The following OLFM3 variants were observed in gnomAD, a reference collection of about 807,000 sequenced individuals.
The protein encoded by OLFM3 is noelin-3.
In OLFM3, 20 loss-of-function variants were observed where a neutral mutation model predicts 48.6. The observed-to-expected ratio is 0.41, with a 90% CI of 0.29 to 0.60. OLFM3 has a LOEUF of 0.60. OLFM3 is among the 20% of genes least tolerant of loss of function. OLFM3 has a pLI of 0.28. For missense variants in OLFM3, 437 were observed against 544.3 expected, an observed-to-expected ratio of 0.80 and a Z score of 1.96; for synonymous variants, 222 against 198.1, an observed-to-expected ratio of 1.12 and a Z score of -1.01.
intron 4 of OLFM3, among the ~76,000 whole-genome samples, chr1:101,811,461 G>C (rs1282423153): frequency 6.6e-6 from 1 of 152,018 alleles, no homozygotes; most frequent in African/African-American, 2.4e-5. Flanking sequence ...CTAATATCCA[G>C]AGCCTAAAGG....
Position 101,867,439 on chromosome 1 carries a change from T to G in OLFM3, c.70-30414A>C, listed in dbSNP as rs80268128. Among the ~76,000 whole-genome samples the G allele has an allele frequency of 5.3e-5, 8 of 152,330 alleles. No individual in the cohort carries two copies. In the East Asian group the frequency reaches 1.5e-3, roughly 29 times the overall value. ...ACTCCTGAAGGATTGTTACCTTCCTTGTCAGCCACACAATGTTTATAAAGT... is the reference window on the plus strand; with the variant it reads ...ACTCCTGAAGGATTGTTACCTTCCTGGTCAGCCACACAATGTTTATAAAGT... On this transcript the variant is annotated intron_variant, in intron 1 of 5. Transcript: ENST00000370103.
chr1:101,858,449 G>A (rs903671553), intron 1 of OLFM3, among the ~76,000 whole-genome samples: 2 of 151,988 alleles, frequency 1.3e-5, no homozygotes, highest in African/African-American at 4.8e-5. Flanking sequence ...GAACAAGAAA[G>A]AAATATAGCT....
intron 1 of OLFM3, among the ~76,000 whole-genome samples, chr1:101,921,023 TA>T (rs530714758): frequency 3.9e-4 from 59 of 152,304 alleles, no homozygotes; most frequent in African/African-American, 1.4e-3. Flanking sequence ...ACCTTCTCCA[TA>T]AGCCCAAATA....
chr1:101,944,992 A>C (rs147195454), intron 1 of OLFM3, among the ~76,000 whole-genome samples: 1 of 152,238 alleles, frequency 6.6e-6, no homozygotes, highest in Non-Finnish European at 1.5e-5. Context: ...CTACAATGAT[A>C]TACCACTACA....
intron 1 of OLFM3, among the ~76,000 whole-genome samples, chr1:101,896,453 G>A (rs1386045348): frequency 6.6e-6 from 1 of 150,442 alleles, no homozygotes; most frequent in African/African-American, 2.4e-5. Context: ...AGTTGTGCAG[G>A]ACGTTTTTAT....
At chr1:101,941,562 T>C (rs560176684) in intron 1 of OLFM3, among the ~76,000 whole-genome samples, 48 of 152,246 alleles carry the variant, frequency 3.2e-4, no homozygotes, top group African/African-American at 1.1e-3. Flanking sequence ...GTTACCCTAC[T>C]TAGTTATGAT....
chr1:101,849,480 A>C (rs888436543), intron 1 of OLFM3, among the ~76,000 whole-genome samples: 7 of 152,186 alleles, frequency 4.6e-5, no homozygotes, highest in Non-Finnish European at 1.0e-4. Context: ...GGTCACCCAA[A>C]AGTGTTTGGA....
At chr1:101,978,167 A>G (rs1488454692) in intron 1 of OLFM3, among the ~76,000 whole-genome samples, 1 of 152,116 alleles carries the variant, frequency 6.6e-6, no homozygotes, top group East Asian at 1.9e-4. Flanking sequence ...GGGAGGTATT[A>G]TTTTCCCAAT....
chr1:101,846,803 C>T (rs1656014879), intron 1 of OLFM3: 1 of 1,453,168 alleles, frequency 6.9e-7, no homozygotes, highest in South Asian at 1.2e-5. Context: ...CCACTAAATG[C>T]ACTTACTTCT....
chr1:101,853,614 T>C (rs571664504), intron 1 of OLFM3, among the ~76,000 whole-genome samples: 19 of 152,206 alleles, frequency 1.2e-4, no homozygotes, highest in Non-Finnish European at 2.1e-4. Flanking sequence ...TAAATATTTA[T>C]GAGATAAATG....
chr1:101,968,248 G>A (rs957516843), intron 1 of OLFM3, among the ~76,000 whole-genome samples: 1 of 152,286 alleles, frequency 6.6e-6, no homozygotes, highest in East Asian at 1.9e-4. Context: ...TTTGGCACTA[G>A]TTTGAATGGT....
intron 1 of OLFM3, chr1:101,846,939 A>C: frequency 6.2e-7 from 1 of 1,612,656 alleles, no homozygotes; most frequent in Non-Finnish European, 8.5e-7. Context: ...CATGGTACTA[A>C]GCACAGCGCC....
intron 1 of OLFM3, among the ~76,000 whole-genome samples, chr1:101,904,284 A>T (rs1162734695): frequency 6.6e-6 from 1 of 152,146 alleles, no homozygotes; most frequent in Admixed American, 6.6e-5. Context: ...GTCAGGGTAA[A>T]TTGGAACAGA....
chr1:101,950,907 T>A (rs1660125523), intron 1 of OLFM3, among the ~76,000 whole-genome samples: 1 of 152,152 alleles, frequency 6.6e-6, no homozygotes, highest in Non-Finnish European at 1.5e-5. Flanking sequence ...GAATTCCACA[T>A]CTGCCACTTA....
At chr1:101,899,833 T>A (rs1372402526) in intron 1 of OLFM3, among the ~76,000 whole-genome samples, 1 of 152,180 alleles carries the variant, frequency 6.6e-6, no homozygotes, top group Non-Finnish European at 1.5e-5. Flanking sequence ...TTATATTTTT[T>A]AATTTAACAT....
At chr1:101,968,533 G>GAAAAA (rs3082438) in intron 1 of OLFM3, among the ~76,000 whole-genome samples, 64 of 118,500 alleles carry the variant, frequency 5.4e-4, no homozygotes, top group East Asian at 4.6e-3. Flanking sequence ...TTTTTGTTCT[G>GAAAAA]AAAAAAAAAA....
In OLFM3 at chr1:101,940,359, G is replaced by A. The variant is rs190645235; in HGVS notation, c.69+56389C>T. 4.2e-3 allele frequency among the ~76,000 whole-genome samples: 554 copies of A among 131,484 alleles called. 5 individuals are homozygous for A. Among genetic ancestry groups the A allele is most frequent in the African/African-American group, 0.014 (513 of 36,366 alleles). 86.3% of individuals were successfully genotyped at this position (131,484 alleles called of 152,430 possible). ...TTTGGAACATTTTTTTTTTTTTTTGGCTCTGCATTCAGGTTCTTCTCACAT... is the reference window on the plus strand; with the variant it reads ...TTTGGAACATTTTTTTTTTTTTTTGACTCTGCATTCAGGTTCTTCTCACAT... On this transcript the variant is annotated intron_variant, in intron 1 of 5. Transcript: ENST00000370103.
Position 101,950,605 on chromosome 1 carries a change from A to G in OLFM3, c.69+46143T>C, listed in dbSNP as rs1481574356. The stretch of plus-strand genomic sequence containing the variant: ...AAGCGCCTGCCACCACTCCCGGCTA[A>G]TTTTTTTTTTTGGTATTTTTAGTAG... On this transcript the variant is annotated intron_variant, in intron 1 of 5. Transcript: ENST00000370103. 2.0e-5 allele frequency among the ~76,000 whole-genome samples: 3 copies of G among 146,432 alleles called. No individual in the cohort carries two copies. In the East Asian group the frequency reaches 6.0e-4, roughly 29 times the overall value.
intron 1 of OLFM3, among the ~76,000 whole-genome samples, chr1:101,971,783 C>T (rs544921359): frequency 4.9e-4 from 74 of 152,102 alleles, no homozygotes; most frequent in African/African-American, 1.7e-3. Flanking sequence ...TTATTAATCA[C>T]GTTGTTAGGA....
Sources: gnomAD v4.1 joint callset for allele counts (sites outside exome capture counted in the v4.1 genomes callset) on GRCh38, gnomAD v4.1.1 for gene constraint, MANE v1.5 for transcripts, NCBI Gene and HGNC (gene_info 2026-07-23, HGNC 2026-07-21) for gene names.